Variants in PPFIA2 observed in about 807,000 individuals in gnomAD.
The protein encoded by PPFIA2 is PPFI scaffold protein A2.
PPFIA2 carries 46 observed loss-of-function variants against 175.5 expected under a neutral mutation model. The observed-to-expected ratio is 0.26, with a 90% CI of 0.21 to 0.34. The LOEUF (loss-of-function observed/expected upper bound fraction) is 0.34. PPFIA2 is among the 10% of genes least tolerant of loss of function. The pLI, the probability that PPFIA2 is intolerant of heterozygous loss-of-function variation, is 1.00. For synonymous variants in PPFIA2, 568 were observed against 511.4 expected (o/e 1.11, Z -1.49); for missense variants, 1,179 against 1,506.1 (o/e 0.78, Z 3.60).
chr12:81,375,730 T>C, intron 10 of PPFIA2, 66 bp downstream of exon 10: 1 of 1,473,790 alleles, frequency 6.8e-7, no homozygotes, highest in Non-Finnish European at 9.4e-7. Flanking sequence ...CTATTTTATT[T>C]ACTCCGTTTT....
chr12:81,708,943 T>A (rs2077542545), intron 3 of PPFIA2, among the ~76,000 whole-genome samples: 1 of 152,220 alleles, frequency 6.6e-6, no homozygotes, highest in Non-Finnish European at 1.5e-5. Flanking sequence ...CAAGGTAATT[T>A]TAAAGATAAA....
At chr12:81,597,481 T>C (rs1400560877) in intron 4 of PPFIA2, among the ~76,000 whole-genome samples, 1 of 152,080 alleles carries the variant, frequency 6.6e-6, no homozygotes, top group East Asian at 1.9e-4. Context: ...GTTATACACA[T>C]AAGAAAATTA....
intron 7 of PPFIA2, among the ~76,000 whole-genome samples, chr12:81,434,146 G>A (rs1389962260): frequency 6.6e-6 from 1 of 151,902 alleles, no homozygotes; most frequent in African/African-American, 2.4e-5. Flanking sequence ...CAGTAGGGGT[G>A]GTGGAGTTAA....
At chr12:81,549,838 C>G (rs770771114) in intron 4 of PPFIA2, among the ~76,000 whole-genome samples, 3 of 151,926 alleles carry the variant, frequency 2.0e-5, no homozygotes, top group Non-Finnish European at 4.4e-5. Context: ...GCTGGGGTCT[C>G]TATTCTCTCT....
chr12:81,589,989 T>C (rs924506528), intron 4 of PPFIA2, among the ~76,000 whole-genome samples: 3 of 152,156 alleles, frequency 2.0e-5, no homozygotes, highest in African/African-American at 2.4e-5. Context: ...GGAGGTTGCA[T>C]ACTTTATTTT....
At chr12:81,573,674 C>T (rs1295813354) in intron 4 of PPFIA2, among the ~76,000 whole-genome samples, 1 of 151,858 alleles carries the variant, frequency 6.6e-6, no homozygotes, top group East Asian at 1.9e-4. Flanking sequence ...ATCTCCCCAA[C>T]TATGAATGTA....
intron 4 of PPFIA2, among the ~76,000 whole-genome samples, chr12:81,550,083 A>G (rs937177809): frequency 6.6e-6 from 1 of 152,012 alleles, no homozygotes; most frequent in African/African-American, 2.4e-5. Flanking sequence ...TCTCAAATAA[A>G]TTGACGAATT....
chr12:81,268,091 G>A lies in PPFIA2; in HGVS notation c.3311-4C>T. ...TCATTGCTCCACACCAACACGTCTA[G>A]GAAAAGAGATGCATCATTTTAGGAT... On this transcript the variant is annotated splice_polypyrimidine_tract_variant and splice_region_variant and intron_variant, in intron 28 of 32. Coordinates refer to ENST00000549396, the MANE Select transcript of PPFIA2 (RefSeq NM_003625.5). 2 of 1,563,054 alleles carry A rather than the reference G, an allele frequency of 1.3e-6. No homozygotes were observed. The highest frequency in any genetic ancestry group is 2.3e-5 in the South Asian group (2 of 85,642).
At chr12:81,393,527 G>A (rs2040541821) in intron 8 of PPFIA2, among the ~76,000 whole-genome samples, 1 of 152,040 alleles carries the variant, frequency 6.6e-6, no homozygotes, top group South Asian at 2.1e-4. Context: ...CTCCTCTACT[G>A]TGTCTTGATA....
chr12:81,595,078 T>C (rs2059098845), intron 4 of PPFIA2, among the ~76,000 whole-genome samples: 2 of 151,982 alleles, frequency 1.3e-5, no homozygotes, highest in Non-Finnish European at 1.5e-5. Context: ...CCAGGATATC[T>C]GGGAGGAGGA....
intron 3 of PPFIA2, among the ~76,000 whole-genome samples, chr12:81,714,125 T>C (rs1596698566): frequency 6.6e-6 from 1 of 151,126 alleles, no homozygotes; most frequent in East Asian, 2.0e-4. Context: ...AAGTAGTATG[T>C]GGTCAGAGAG....
rs565922188 is a variant in PPFIA2, at chr12:81,753,554, G to A, written c.249+419C>T. On this transcript the variant is annotated intron_variant, in intron 3 of 32. Transcript: ENST00000549396. ...AAAAAAAAAAACAATAGTTGGACAC[G>A]AGACTTCCAAAGTACGGTCATTTTC... is the stretch of plus-strand genomic sequence containing the variant. 2.7e-5 allele frequency among the ~76,000 whole-genome samples: 4 copies of A among 148,732 alleles called. No homozygotes were observed. In the South Asian group the frequency reaches 6.3e-4, roughly 24 times the overall value.
rs1481092676 is a variant in PPFIA2 at position 81,277,362 on chromosome 12, T to G, written c.3265A>C (p.Lys1089Gln). Residue 1089 changes from lysine to glutamine, a missense_variant, in exon 28 of 33, where the codon AAA becomes CAA. Transcript: ENST00000549396. ...GCTTCCCGTCTTCTTTCTAGTTCTTTTCTGTCATAATTCAACCTCTTTAAG... is the reference window on the plus strand; with the variant it reads ...GCTTCCCGTCTTCTTTCTAGTTCTTGTCTGTCATAATTCAACCTCTTTAAG... ...MCLKRLNYDR[K>Q]ELERRREASQ... The G allele has an allele frequency of 6.3e-7, 1 of 1,575,200 alleles. No homozygotes were observed. Among genetic ancestry groups the G allele is most frequent in the Admixed American group, 1.8e-5 (1 of 54,766 alleles).
At chr12:81,496,358 C>A (rs531668103) in intron 4 of PPFIA2, among the ~76,000 whole-genome samples, 1 of 152,148 alleles carries the variant, frequency 6.6e-6, no homozygotes, top group African/African-American at 2.4e-5. Flanking sequence ...TTTTTGGAGA[C>A]AATTGCAGAA....
intron 4 of PPFIA2, among the ~76,000 whole-genome samples, chr12:81,480,461 G>T (rs2058073491): frequency 6.6e-6 from 1 of 152,046 alleles, no homozygotes; most frequent in Non-Finnish European, 1.5e-5. Flanking sequence ...TGCTGGTAAG[G>T]AGCTGTGATC....
chr12:81,278,082 C>T (rs2041019801), intron 27 of PPFIA2, among the ~76,000 whole-genome samples: 1 of 152,136 alleles, frequency 6.6e-6, no homozygotes, highest in African/African-American at 2.4e-5. Flanking sequence ...GTTAGCGAGA[C>T]ACACATTCCA....
At chr12:81,588,476 C>T (rs2153438664) in intron 4 of PPFIA2, among the ~76,000 whole-genome samples, 1 of 152,102 alleles carries the variant, frequency 6.6e-6, no homozygotes, top group East Asian at 1.9e-4. Context: ...CCAGATGTCT[C>T]CCACATTAAC....
intron 4 of PPFIA2, among the ~76,000 whole-genome samples, chr12:81,612,133 A>T (rs1378177673): frequency 6.6e-6 from 1 of 150,394 alleles, no homozygotes; most frequent in African/African-American, 2.4e-5. Flanking sequence ...TGGTGGGAGC[A>T]GTGCTTTCTG....
In PPFIA2 at chr12:81,362,705, G is replaced by T; in HGVS notation, c.1625C>A (p.Pro542His). The T allele has an allele frequency of 6.5e-7, 1 of 1,543,548 alleles. No individual in the cohort carries two copies. Residue 542 changes from proline (P) to histidine (H), a missense_variant, in exon 15 of 33, where the codon CCC (proline) becomes CAC (histidine). Around this residue, in one of 10 missense-constraint regions of PPFIA2, gnomAD observed 186 missense variants for 163.6 expected, o/e 1.14. Coordinates refer to ENST00000549396, the MANE Select transcript of PPFIA2 (RefSeq NM_003625.5). ...AGTTTAATGTTACCTTGGTATTGTG[G>T]GTTCAATTAAAGAGCCAGTTCTCAT... ...LKMRTGSLIE[P>H]TIPRTHLDTS... is the part of the protein sequence containing the mutation.
Sources: allele counts gnomAD v4.1 joint callset (sites outside exome capture counted in the v4.1 genomes callset), GRCh38; gene constraint gnomAD v4.1.1; regional missense constraint gnomAD v4.1.1; transcripts MANE v1.5; gene names NCBI Gene and HGNC (gene_info 2026-07-23, HGNC 2026-07-21).